BIRC6: variants seen among roughly 807,000 people sequenced by gnomAD.
The protein encoded by BIRC6 is baculoviral IAP repeat containing 6, also known as dual E2 ubiquitin-conjugating enzyme/E3 ubiquitin-protein ligase BIRC6.
BIRC6 carries 98 observed loss-of-function variants against 503.3 expected under a neutral mutation model. The observed-to-expected ratio is 0.19, with a 90% CI of 0.17 to 0.23. BIRC6 has a LOEUF of 0.23. Among genes scored for constraint, BIRC6 ranks in the 10% least tolerant of loss-of-function variants. BIRC6 has a pLI of 1.00. For synonymous variants in BIRC6, 2,240 were observed against 2,078.7 expected, an observed-to-expected ratio of 1.08 and a Z score of -2.11; for missense variants, 5,360 against 5,806.0, an observed-to-expected ratio of 0.92 and a Z score of 2.50.
At chr2:32,608,216 C>A (rs571634276) in intron 72 of BIRC6, among the ~76,000 whole-genome samples, 1 of 150,548 alleles carries the variant, frequency 6.6e-6, no homozygotes, top group African/African-American at 2.4e-5. Context: ...TTGCCTGAGC[C>A]CACGAGTTTG....
intron 61 of BIRC6, among the ~76,000 whole-genome samples, chr2:32,538,105 G>T (rs1368233655): frequency 6.6e-6 from 1 of 151,924 alleles, no homozygotes; most frequent in Non-Finnish European, 1.5e-5. Flanking sequence ...CTTTTTTCTG[G>T]GGGTATTCCT....
In BIRC6 at chr2:32,493,680, G is replaced by T; in HGVS notation, c.8468+13G>T. On this transcript the variant is annotated intron_variant, in intron 45 of 73. Coordinates refer to ENST00000421745, the MANE Select transcript of BIRC6 (RefSeq NM_016252.4). ...TTTCAACTGAAAGGTAAATTTTTGT[G>T]TACTAATTTGTTCCTGATATAGAAG... 2 of 1,577,168 alleles carry T rather than the reference G, an allele frequency of 1.3e-6. No homozygotes were observed. The highest frequency in any genetic ancestry group is 1.7e-6 in the Non-Finnish European group (2 of 1,154,472).
chr2:32,578,414 T>C (rs1265913185), intron 66 of BIRC6, among the ~76,000 whole-genome samples: 1 of 152,172 alleles, frequency 6.6e-6, no homozygotes, highest in Non-Finnish European at 1.5e-5. Context: ...GAGAAGAGAA[T>C]GATTCAGGAA....
intron 65 of BIRC6, among the ~76,000 whole-genome samples, chr2:32,571,571 T>C (rs2059920679): frequency 6.6e-6 from 1 of 152,030 alleles, no homozygotes; most frequent in Non-Finnish European, 1.5e-5. Context: ...GTCCCTGATC[T>C]TTTGTATTTC....
intron 65 of BIRC6, among the ~76,000 whole-genome samples, chr2:32,568,717 A>C (rs1339699446): frequency 6.6e-6 from 1 of 151,426 alleles, no homozygotes; most frequent in Admixed American, 6.6e-5. Flanking sequence ...GGTGGCATGC[A>C]CCTGTAATCC....
At chr2:32,433,205 C>T (rs546321153) in intron 12 of BIRC6, among the ~76,000 whole-genome samples, 1 of 152,078 alleles carries the variant, frequency 6.6e-6, no homozygotes, top group African/African-American at 2.4e-5. Flanking sequence ...TGGATATGAG[C>T]CTTAAATTTA....
At chr2:32,508,340 G>A in intron 51 of BIRC6, 81 bp downstream of exon 51, 1 of 1,347,850 alleles carries the variant, frequency 7.4e-7, no homozygotes, top group Non-Finnish European at 9.5e-7. Context: ...ATTATTTTGT[G>A]GGTTTTTTCT....
chr2:32,524,066 G>C (rs1481017148), intron 57 of BIRC6, among the ~76,000 whole-genome samples: 1 of 151,098 alleles, frequency 6.6e-6, no homozygotes, highest in Non-Finnish European at 1.5e-5. Context: ...AAGAGAATTG[G>C]AGACTTGATA....
At chr2:32,386,345 A>T (rs530387084) in intron 3 of BIRC6, among the ~76,000 whole-genome samples, 1 of 152,256 alleles carries the variant, frequency 6.6e-6, no homozygotes, top group Admixed American at 6.5e-5. Flanking sequence ...GCCACCTGAT[A>T]GTTTACCATC....
intron 55 of BIRC6, among the ~76,000 whole-genome samples, chr2:32,517,621 C>T (rs1369008876): frequency 6.6e-6 from 1 of 152,090 alleles, no homozygotes; most frequent in Non-Finnish European, 1.5e-5. Flanking sequence ...GTTGCCCAGG[C>T]CTGTAGTGCA....
intron 59 of BIRC6, 91 bp downstream of exon 59, chr2:32,525,719 C>A: frequency 7.7e-7 from 1 of 1,301,728 alleles, no homozygotes; most frequent in Non-Finnish European, 1.1e-6. Flanking sequence ...TCATTTTAAT[C>A]AGGTGCCATT....
chr2:32,467,770 GCTTT>G (rs1558810741), intron 27 of BIRC6, 31 bp downstream of exon 27: 6 of 1,554,222 alleles, frequency 3.9e-6, no homozygotes, highest in South Asian at 2.4e-5. Context: ...AAATTGATAC[GCTTT>G]CTATGTTTCT....
At chr2:32,428,178 G>A (rs2043731697) in intron 10 of BIRC6, among the ~76,000 whole-genome samples, 1 of 152,178 alleles carries the variant, frequency 6.6e-6, no homozygotes, top group African/African-American at 2.4e-5. Context: ...AGGCATAGAG[G>A]CTTAGTTGAC....
At position 32,595,122 on chromosome 2, in the gene BIRC6, T is replaced by C; in HGVS notation, c.13590T>C (p.Ala4530=). The part of the protein sequence containing the change: ...VLKSLEEKYV[A]VMKKLQFDTF... ...AGTCACTTGAAGAAAAATATGTGGCTGTTATGAAGAAATTACAGTTTGGTA... is the reference window on the plus strand; with the variant it reads ...AGTCACTTGAAGAAAAATATGTGGCCGTTATGAAGAAATTACAGTTTGGTA... Residue 4530 remains alanine, a synonymous_variant, in exon 68 of 74, where the codon GCT becomes GCC. Transcript: ENST00000421745. 1.3e-6 allele frequency: 2 copies of C among 1,591,154 alleles called. No individual in the cohort carries two copies. Among genetic ancestry groups the C allele is most frequent in the Non-Finnish European group, 1.7e-6 (2 of 1,172,876 alleles).
chr2:32,438,602 C>T (rs2045024013), intron 15 of BIRC6, among the ~76,000 whole-genome samples: 1 of 148,984 alleles, frequency 6.7e-6, no homozygotes, highest in South Asian at 2.1e-4. Context: ...CTCTGTCGCC[C>T]AGGCTGGAGT....
At chr2:32,582,293 C>T (rs760644940) in intron 66 of BIRC6, among the ~76,000 whole-genome samples, 2 of 152,042 alleles carry the variant, frequency 1.3e-5, no homozygotes, top group Non-Finnish European at 2.9e-5. Context: ...AGGATGATTG[C>T]TTGAGCCCAG....
chr2:32,609,261 T>A (rs1017358028), intron 72 of BIRC6, among the ~76,000 whole-genome samples: 25 of 150,534 alleles, frequency 1.7e-4, no homozygotes, highest in Non-Finnish European at 3.1e-4. Flanking sequence ...AGTGGTTTTT[T>A]TCACGTCATC....
chr2:32,509,589 A>G, intron 51 of BIRC6, 149 bp from the exon 52 acceptor site: 1 of 856,252 alleles, frequency 1.2e-6, no homozygotes, highest in East Asian at 2.6e-5. Flanking sequence ...CTGTCTGTTT[A>G]CTTAATTTGC....
chr2:32,564,673 C>T (rs1048240585), intron 65 of BIRC6: 17 of 152,348 alleles, frequency 1.1e-4, no homozygotes, highest in African/African-American at 4.1e-4. Context: ...AAATTCTCTG[C>T]CCCATGAGTG....
Sources: allele counts gnomAD v4.1 joint callset (sites outside exome capture counted in the v4.1 genomes callset), GRCh38; gene constraint gnomAD v4.1.1; transcripts MANE v1.5; gene names NCBI Gene and HGNC (gene_info 2026-07-23, HGNC 2026-07-21).